HELZ2: variants seen among roughly 807,000 people sequenced by gnomAD.
HELZ2 encodes the protein 3'-5' exoribonuclease HELZ2.
Under a neutral mutation model 208.8 loss-of-function variants are expected in HELZ2, and 143 were observed. The ratio of observed to expected loss-of-function variants is 0.68; its 90% CI spans 0.60 to 0.79. HELZ2 has a LOEUF of 0.79. Ranked by LOEUF, HELZ2 falls within the 30% of genes least tolerant of loss-of-function variation. The pLI is 0.00. For synonymous variants in HELZ2, 1,705 were observed against 1,693.7 expected, an observed-to-expected ratio of 1.01 and a Z score of -0.16; for missense variants, 3,690 against 3,794.5, an observed-to-expected ratio of 0.97 and a Z score of 0.72.
Position 63,560,107 on chromosome 20 carries a change from G to C in HELZ2, c.7658-12C>G. The C allele has an allele frequency of 6.3e-7, 1 of 1,581,876 alleles. No individual in the cohort carries two copies. Among genetic ancestry groups the C allele is most frequent in the Non-Finnish European group, 8.6e-7 (1 of 1,168,862 alleles). The stretch of plus-strand genomic sequence containing the variant: ...GCGCCACTCGCTCCCTGCGGGATGG[G>C]AGGTGAGGCCCTGCTGCCGCTGCGC... On this transcript the variant is annotated splice_polypyrimidine_tract_variant and intron_variant, in intron 17 of 18. Coordinates refer to ENST00000467148, the Ensembl canonical transcript of HELZ2.
exon 6 of HELZ2, chr20:63,567,245 T>C: frequency 6.2e-7 from 1 of 1,608,558 alleles, no homozygotes; most frequent in South Asian, 1.1e-5. Context: ...CTGGCCACAC[T>C]GAACAGCCGG....
chr20:63,567,021 C>T (rs757869408), exon 6 of HELZ2: 31 of 1,611,032 alleles, frequency 1.9e-5, no homozygotes, highest in Admixed American at 1.7e-4. Flanking sequence ...AGAACATGAG[C>T]GGGTAGTGCC....
intron 18 of HELZ2, among the ~76,000 whole-genome samples, chr20:63,559,693 G>A (rs1600964194): frequency 1.1e-5 from 1 of 87,326 alleles, no homozygotes; most frequent in African/African-American, 4.1e-5. Flanking sequence ...AGGGTCAGGT[G>A]GGAGGAGTCA....
chr20:63,563,059 G>C, exon 8 of HELZ2: 1 of 1,599,792 alleles, frequency 6.3e-7, no homozygotes, highest in Non-Finnish European at 8.5e-7. Context: ...CTGAGAAGCA[G>C]TCTCCGGGCC....
At chr20:63,565,450 C>T (rs777977746) in exon 8 of HELZ2, 14 of 1,609,660 alleles carry the variant, frequency 8.7e-6, no homozygotes, top group South Asian at 7.7e-5. Context: ...GCTCGGGCTC[C>T]GCGTGCAGCA....
At chr20:63,560,226 G>A (rs1390811390) in exon 17 of HELZ2, 2 of 1,559,186 alleles carry the variant, frequency 1.3e-6, no homozygotes, top group Admixed American at 1.9e-5. Context: ...CTCGCCGAAG[G>A]GCCTTGCTGA....
chr20:63,570,986 C>A lies in HELZ2; in HGVS notation c.279-118G>T, dbSNP rs562312494. ...GTAGGGAGCAGGGGCTTTATTCGTC[C>A]CACCCACTCCTGTGCTCCCGGGACA... is the stretch of plus-strand genomic sequence containing the variant. On this transcript the variant is annotated intron_variant, in intron 1 of 18. Transcript: ENST00000467148. 4 of 764,078 alleles carry A rather than the reference C, an allele frequency of 5.2e-6. No homozygotes were observed. The African/African-American group carries it at 5.3e-5, about 10-fold the overall frequency. 47.3% of individuals were successfully genotyped at this position (764,078 alleles called of 1,614,324 possible).
At chr20:63,563,589 C>G (rs1273634122) in exon 8 of HELZ2, 19 of 1,531,210 alleles carry the variant, frequency 1.2e-5, no homozygotes, top group African/African-American at 2.7e-5. Context: ...TCCACGTCCA[C>G]CACGAAGCCC....
rs2082898233 is a variant in HELZ2 at position 63,562,358 on chromosome 20, T to A, written c.6327A>T (p.Gly2109=). ...TGACCAGCGGGGACGCCTCCTCTAG[T>A]CCACGCACGGCTTCCTCCTTGCGGC... is the stretch of plus-strand genomic sequence containing the variant. The change falls in exon 9 of 19, where the codon GGA becomes GGT. Residue 2109 remains glycine (G), a synonymous_variant. Transcript: ENST00000467148. 1.9e-6 allele frequency: 3 copies of A among 1,592,416 alleles called. No homozygotes were observed. In the Admixed American group the frequency reaches 5.2e-5, roughly 28 times the overall value.
intron 5 of HELZ2, chr20:63,567,838 G>A (rs894047145): frequency 1.1e-5 from 13 of 1,149,236 alleles, no homozygotes; most frequent in African/African-American, 7.7e-5. Context: ...CGAGCCCAGC[G>A]GCTCCTCTGA....
chr20:63,561,904 G>C (rs776791485), exon 11 of HELZ2: 6 of 1,583,842 alleles, frequency 3.8e-6, no homozygotes, highest in Non-Finnish European at 5.2e-6. Flanking sequence ...CCACGGGGGG[G>C]GCCTCCGGGC....
At chr20:63,558,736 C>A (rs1333593503), downstream of HELZ2, 1 of 152,288 alleles carries the variant, frequency 6.6e-6, no homozygotes, top group East Asian at 1.9e-4. Flanking sequence ...CGGGGTTTCA[C>A]CATGTTGGCC....
chr20:63,559,145 AG>A, downstream of HELZ2: 1 of 1,244,556 alleles, frequency 8.0e-7, no homozygotes, highest in East Asian at 2.9e-5. Flanking sequence ...GCCAGGAGGC[AG>A]GCTGGCCCAG....
At position 63,570,911 on chromosome 20, in the gene HELZ2, C is replaced by T. The variant is rs572679287; in HGVS notation, c.279-43G>A. The T allele has an allele frequency of 3.5e-5, 53 of 1,507,968 alleles. No homozygotes were observed. The South Asian group carries it at 5.7e-4, about 16-fold the overall frequency. The allele number at this position is 1,507,968 out of a possible 1,614,324, so 93.4% of individuals were successfully genotyped here. On this transcript the variant is annotated intron_variant, in intron 1 of 18. Transcript: ENST00000467148. ...CAGCAGGGCTACACAGAGGCACAGC[C>T]GCCGTGCTGAGTTCAAAGGCCGGGA... is the stretch of plus-strand genomic sequence containing the variant.
rs377142370 is a variant in HELZ2 at position 63,564,929 on chromosome 20, C to T, written c.3893G>A (p.Arg1298His). 1.2e-5 allele frequency: 19 copies of T among 1,611,070 alleles called. No homozygotes were observed. The highest frequency in any genetic ancestry group is 8.9e-5 in the East Asian group (4 of 44,840). ...CAAGCTGTACTCCAGGCCGAGGATGCGGAGGCCCTGCTCCCAGGTGCTGGC... is the reference window on the plus strand; with the variant it reads ...CAAGCTGTACTCCAGGCCGAGGATGTGGAGGCCCTGCTCCCAGGTGCTGGC... Residue 1298 changes from arginine (R) to histidine (H), a missense_variant, in exon 8 of 19, where the codon CGC becomes CAC. Arg to His is a conservative substitution (Grantham distance 29). This residue lies in a region of HELZ2 where 2,564 missense variants were observed against 2,580.5 expected (regional missense o/e 0.99). Transcript: ENST00000467148.
Position 63,567,503 on chromosome 20 carries a change from G to A in HELZ2, c.1855C>T (p.Gln619Ter). ...CGGTCGTCGGTCAGGCAACAGTACTGCAGCGTGACTGGGTCCGTCTGGCTC... is the reference window on the plus strand; with the variant it reads ...CGGTCGTCGGTCAGGCAACAGTACTACAGCGTGACTGGGTCCGTCTGGCTC... Residue 619 changes from glutamine (Q) to a stop codon, truncating the protein, a stop_gained, in exon 6 of 19, where the codon CAG (glutamine) becomes TAG (stop). Coordinates refer to ENST00000467148, the Ensembl canonical transcript of HELZ2. LOFTEE classifies it high-confidence loss of function. The A allele has an allele frequency of 6.4e-7, 1 of 1,558,376 alleles. No homozygotes were observed. The highest frequency in any genetic ancestry group is 8.7e-7 in the Non-Finnish European group (1 of 1,151,674).
intron 8 of HELZ2, 36 bp from the exon 10 acceptor site, chr20:63,562,418 ACTCCCAGGAAAGGGGCTGCT>A: frequency 6.4e-7 from 1 of 1,550,910 alleles, no homozygotes; most frequent in South Asian, 1.2e-5. Context: ...AACCAACAGG[ACTCCCAGGAAAGGGGCTGCT>A]GCCCCACGAG....
exon 5 of HELZ2, chr20:63,568,886 A>G: frequency 6.2e-7 from 1 of 1,611,806 alleles, no homozygotes; most frequent in Non-Finnish European, 8.5e-7. Context: ...GTCTGGCATC[A>G]GGGAGGAGGG....
In HELZ2 at chr20:63,569,099, GCCCCAGCTGCTCCTGCTA is replaced by G. The variant is rs757216367; in HGVS notation, c.1088+31_1088+48del. On this transcript the variant is annotated intron_variant, in intron 4 of 18. Transcript: ENST00000467148. The stretch of plus-strand genomic sequence containing the variant: ...TCCCGTTGCCCCAGCCGCTCCCATT[GCCCCAGCTGCTCCTGCTA>G]CCCCAGCTGCTCCTGTTGCCCCCAG... 478 of 1,582,104 alleles carry G rather than the reference GCCCCAGCTGCTCCTGCTA, an allele frequency of 3.0e-4. 1 individual carries two copies. The highest frequency in any genetic ancestry group is 3.8e-4 in the Non-Finnish European group (445 of 1,167,710).
Sources: gnomAD v4.1 joint callset for allele counts (sites outside exome capture counted in the v4.1 genomes callset) on GRCh38, gnomAD v4.1.1 for gene constraint, gnomAD v4.1.1 regional missense constraint, MANE v1.5 for transcripts, NCBI Gene and HGNC (gene_info 2026-07-23, HGNC 2026-07-21) for gene names.